Variants in NF1 observed in about 807,000 individuals in gnomAD.
NF1 encodes the protein neurofibromin 1.
A neutral mutation model predicts 325.7 loss-of-function variants in NF1; 122 were observed. The observed-to-expected ratio is 0.37, with a 90% confidence interval of 0.32 to 0.44. NF1 has a LOEUF of 0.44. Among genes scored for constraint, NF1 ranks in the 20% least tolerant of loss-of-function variants. NF1 has a pLI of 1.00. For missense variants in NF1, 2,140 were observed against 3,415.4 expected (o/e 0.63, Z 9.31); for synonymous variants, 1,091 against 1,186.0 (o/e 0.92, Z 1.65).
chr17:31,121,642 G>A (rs1412804721), intron 1 of NF1, among the ~76,000 whole-genome samples: 2 of 152,020 alleles, frequency 1.3e-5, no homozygotes, highest in Non-Finnish European at 2.9e-5. Context: ...AAGGGGTGTT[G>A]AATTTTATCA....
intron 36 of NF1, chr17:31,318,154 A>G (rs909860796): frequency 1.4e-5 from 13 of 906,396 alleles, no homozygotes; most frequent in African/African-American, 1.3e-4. Flanking sequence ...AAGCAGGCAT[A>G]CTTCTCCCTG....
At chr17:31,179,533 G>A (rs1290280708) in intron 5 of NF1, among the ~76,000 whole-genome samples, 1 of 152,148 alleles carries the variant, frequency 6.6e-6, no homozygotes. Context: ...GAAGGAGATA[G>A]AGACACGAAA....
intron 1 of NF1, among the ~76,000 whole-genome samples, chr17:31,099,823 AG>A (rs1291841293): frequency 6.6e-6 from 1 of 151,836 alleles, no homozygotes; most frequent in Admixed American, 6.6e-5. Context: ...GGCCTCCCAA[AG>A]TGCTGGGATT....
intron 12 of NF1, among the ~76,000 whole-genome samples, 189 bp from the exon 13 acceptor site, chr17:31,214,262 T>C (rs1281044506): frequency 2.0e-5 from 3 of 152,140 alleles, no homozygotes; most frequent in African/African-American, 7.2e-5. Flanking sequence ...AAAACGATTT[T>C]CATTGTTTTG....
chr17:31,224,617 T>C (rs1328104804), intron 16 of NF1, among the ~76,000 whole-genome samples: 1 of 152,108 alleles, frequency 6.6e-6, no homozygotes, highest in African/African-American at 2.4e-5. Context: ...AGTAATGAAT[T>C]CATAGTGCCC....
intron 1 of NF1, among the ~76,000 whole-genome samples, chr17:31,117,672 CAAAAAAAAAA>C (rs780828438): frequency 1.2e-3 from 24 of 19,814 alleles, no homozygotes; most frequent in Middle Eastern, 0.12. Context: ...AACTCCATCT[CAAAAAAAAAA>C]AAAAAAAAAA....
At position 31,222,129 on chromosome 17, in the gene NF1, A is replaced by G. The variant is rs888119309; in HGVS notation, c.1721+200A>G. On this transcript the variant is annotated intron_variant, in intron 15 of 57. Coordinates refer to ENST00000358273, the MANE Select transcript of NF1 (RefSeq NM_001042492.3). Reference sequence around the variant, plus strand: ...AAAGTATCACAGCAATTTAGAAAATAAATTTTAAGAATAGTGCTAAATTTT... The same window carrying G: ...AAAGTATCACAGCAATTTAGAAAATGAATTTTAAGAATAGTGCTAAATTTT... The G allele has an allele frequency of 1.1e-5, 14 of 1,287,990 alleles. No homozygotes were observed. In the African/African-American group the frequency reaches 2.2e-4, roughly 20 times the overall value. 79.8% of individuals were successfully genotyped at this position (1,287,990 alleles called of 1,614,324 possible).
In NF1 at chr17:31,258,433, G is replaced by A. The variant is rs201648604; in HGVS notation, c.4263G>A (p.Pro1421=). The A allele has an allele frequency of 2.5e-5, 41 of 1,613,878 alleles. No individual in the cohort carries two copies. The highest frequency in any genetic ancestry group is 1.6e-4 in the East Asian group (7 of 44,856). Residue 1421 remains proline, a synonymous_variant, in exon 32 of 58, where the codon CCG becomes CCA. Transcript: ENST00000358273. ...TTATCAATCCTGCCATTGTCTCACC[G>A]TATGAAGCAGGGATTTTAGATAAAA... ...LRFINPAIVS[P]YEAGILDKKP...
chr17:31,137,545 T>TG (rs1915867675), intron 1 of NF1: 1 of 152,220 alleles, frequency 6.6e-6, no homozygotes, highest in African/African-American at 2.4e-5. Flanking sequence ...TCCTTGAGGA[T>TG]TTCCTCCCAT....
At chr17:31,197,670 A>G (rs2066458241) in intron 8 of NF1, among the ~76,000 whole-genome samples, 1 of 152,076 alleles carries the variant, frequency 6.6e-6, no homozygotes, top group Non-Finnish European at 1.5e-5. Context: ...GTGACTTTGA[A>G]TTTATTAGCT....
At position 31,232,066 on chromosome 17, in the gene NF1, T is replaced by TTTTC. The variant is rs1597718647; in HGVS notation, c.3198-6_3198-3dup. 1 of 1,409,936 alleles carries TTTTC rather than the reference T, an allele frequency of 7.1e-7. No homozygotes were observed. The highest frequency in any genetic ancestry group is 9.6e-7 in the Non-Finnish European group (1 of 1,041,882). The allele number at this position is 1,409,936 out of a possible 1,614,324, so 87.3% of individuals were successfully genotyped here. On this transcript the variant is annotated splice_region_variant and splice_polypyrimidine_tract_variant and intron_variant, in intron 24 of 57. Transcript: ENST00000358273. ...AAATTTTTTTTTTTTTTTTTTTTTT[T>TTTTC]TTTCAGAGATTTGGACCAGGCAAGC...
In NF1 at chr17:31,377,227, CA is replaced by C. The variant is rs1008200064; in HGVS notation, c.*3079del. 2.6e-5 allele frequency: 6 copies of C among 232,894 alleles called. No homozygotes were observed. The highest frequency in any genetic ancestry group is 6.6e-5 in the African/African-American group (3 of 45,222). 14.4% of individuals were successfully genotyped at this position (232,894 alleles called of 1,614,324 possible). On this transcript the variant is annotated 3_prime_UTR_variant, in exon 58 of 58. Transcript: ENST00000358273. ...TGTAAATAGTTTGTGTAAAATTTGA[CA>C]AAAAAAGTATATTTACTATACTGTA...
intron 36 of NF1, chr17:31,295,982 G>T (rs1313347932): frequency 6.2e-7 from 1 of 1,614,146 alleles, no homozygotes; most frequent in East Asian, 2.2e-5. Flanking sequence ...AGCAGTATCA[G>T]ATTTGTCAAG....
rs558019436 is a variant in NF1 at position 31,232,680 on chromosome 17, T to G, written c.3315-20T>G. 6.2e-7 allele frequency: 1 copy of G among 1,608,994 alleles called. No homozygotes were observed. Among genetic ancestry groups the G allele is most frequent in the African/African-American group, 1.3e-5 (1 of 74,966 alleles). On this transcript the variant is annotated intron_variant, in intron 25 of 57. Coordinates refer to ENST00000358273, the MANE Select transcript of NF1 (RefSeq NM_001042492.3). Reference sequence around the variant, plus strand: ...TGATACGGCCTTCACTATGTAAAGGTCAGTCTTTTTATTTCTCAGATACTT... The same window carrying G: ...TGATACGGCCTTCACTATGTAAAGGGCAGTCTTTTTATTTCTCAGATACTT...
chr17:31,295,212 A>T, intron 36 of NF1: 1 of 1,614,036 alleles, frequency 6.2e-7, no homozygotes, highest in Non-Finnish European at 8.5e-7. Flanking sequence ...GGTGTTGGGG[A>T]TGATTTTGTT....
chr17:31,192,893 A>C (rs1466990064), intron 8 of NF1, among the ~76,000 whole-genome samples: 1 of 152,200 alleles, frequency 6.6e-6, no homozygotes, highest in African/African-American at 2.4e-5. Flanking sequence ...CTTAGGTAGG[A>C]GTTTGGGCAA....
At chr17:31,358,111 C>T (rs2070315597) in intron 54 of NF1, 3 of 254,034 alleles carry the variant, frequency 1.2e-5, no homozygotes, top group Admixed American at 5.1e-5. Flanking sequence ...GTTTTAACTT[C>T]CTAAGCGCAT....
chr17:31,149,589 G>C (rs182301489), intron 1 of NF1, among the ~76,000 whole-genome samples: 6 of 152,268 alleles, frequency 3.9e-5, no homozygotes, highest in Admixed American at 1.3e-4. Flanking sequence ...CGTTCATACT[G>C]TGTAATGATA....
intron 36 of NF1, among the ~76,000 whole-genome samples, chr17:31,322,720 G>A (rs771225747): frequency 1.3e-5 from 2 of 152,054 alleles, no homozygotes; most frequent in Non-Finnish European, 2.9e-5. Context: ...GAGGCTGCCT[G>A]TGACAGTCTT....
Sources: gnomAD v4.1 joint callset for allele counts (sites outside exome capture counted in the v4.1 genomes callset) on GRCh38, gnomAD v4.1.1 for gene constraint, MANE v1.5 for transcripts, NCBI Gene and HGNC (gene_info 2026-07-23, HGNC 2026-07-21) for gene names.